The following FMN1 variants were observed in gnomAD, a reference collection of about 807,000 sequenced individuals.
FMN1 encodes formin 1.
In FMN1, 110 loss-of-function variants were observed where a neutral mutation model predicts 132.4. The observed-to-expected ratio is 0.83, with a 90% CI of 0.71 to 0.97. The LOEUF is 0.97. Ranked by LOEUF, FMN1 falls within the 50% of genes least tolerant of loss-of-function variation. The probability of loss-of-function intolerance (pLI) is 0.00; values close to 1 mark genes in which losing one functional copy is unlikely to be tolerated. For missense variants in FMN1, 1,792 were observed against 1,705.3 expected (o/e 1.05, Z -0.90); for synonymous variants, 722 against 651.7 (o/e 1.11, Z -1.64).
At chr15:32,843,113 G>A (rs562979530) in intron 17 of FMN1, among the ~76,000 whole-genome samples, 1 of 143,426 alleles carries the variant, frequency 7.0e-6, no homozygotes, top group East Asian at 2.1e-4. Context: ...GGCAACAAGA[G>A]CGAAACTCTG....
At chr15:33,067,650 C>A in intron 5 of FMN1, 1 of 1,614,040 alleles carries the variant, frequency 6.2e-7, no homozygotes, top group African/African-American at 1.3e-5. Flanking sequence ...TCCTGTGGAT[C>A]CAAGCCATTG....
chr15:32,889,551 G>A (rs898479420), intron 15 of FMN1, among the ~76,000 whole-genome samples: 2 of 152,088 alleles, frequency 1.3e-5, no homozygotes, highest in Non-Finnish European at 2.9e-5. Context: ...AGACCTTCAT[G>A]AAATAACAGA....
intron 17 of FMN1, among the ~76,000 whole-genome samples, chr15:32,846,087 T>G (rs1258786): frequency 6.6e-6 from 1 of 152,216 alleles, no homozygotes; most frequent in South Asian, 2.1e-4. Flanking sequence ...TACATTCAGA[T>G]CACTTAAAAA....
intron 19 of FMN1, among the ~76,000 whole-genome samples, chr15:32,796,711 T>C (rs1405175490): frequency 1.3e-5 from 2 of 152,234 alleles, no homozygotes; most frequent in East Asian, 1.9e-4. Context: ...GAGAACACTT[T>C]AACAAAGTTC....
intron 7 of FMN1, among the ~76,000 whole-genome samples, chr15:33,004,426 G>A (rs962156865): frequency 2.6e-5 from 4 of 152,186 alleles, no homozygotes; most frequent in Non-Finnish European, 5.9e-5. Context: ...GCAGCCAACA[G>A]ACACATGAAA....
chr15:33,089,745 A>G (rs2038837306), intron 4 of FMN1, among the ~76,000 whole-genome samples: 1 of 152,246 alleles, frequency 6.6e-6, no homozygotes, highest in South Asian at 2.1e-4. Flanking sequence ...CTAGGACTTG[A>G]ACCCAGGCAG....
chr15:32,925,296 A>C (rs347950), intron 10 of FMN1, among the ~76,000 whole-genome samples: 152,085 of 152,320 alleles, frequency 1, 75,925 homozygotes, highest in East Asian at 1. Context: ...AGGCAAAGAT[A>C]ATAAGTGCTC....
At chr15:33,125,522 G>T (rs747215259) in intron 4 of FMN1, among the ~76,000 whole-genome samples, 13 of 151,940 alleles carry the variant, frequency 8.6e-5, no homozygotes, top group Non-Finnish European at 1.8e-4. Flanking sequence ...TCTCAAATTT[G>T]GATATCTAAA....
chr15:32,950,030 T>C (rs373242543), intron 9 of FMN1, among the ~76,000 whole-genome samples: 60 of 4,148 alleles, frequency 0.014, 2 homozygotes, highest in South Asian at 0.032. Context: ...TATATATATA[T>C]ATACACATAT....
At chr15:33,093,458 G>A (rs1419825250) in intron 4 of FMN1, among the ~76,000 whole-genome samples, 1 of 152,188 alleles carries the variant, frequency 6.6e-6, no homozygotes, top group East Asian at 1.9e-4. Flanking sequence ...GGCTGTGTGT[G>A]TAATCACTCA....
At chr15:32,874,290 G>A (rs995710515) in intron 16 of FMN1, among the ~76,000 whole-genome samples, 2 of 151,888 alleles carry the variant, frequency 1.3e-5, no homozygotes, top group Non-Finnish European at 2.9e-5. Flanking sequence ...CAAAGTGCTG[G>A]GATTACAGGT....
rs182743541 is a variant in FMN1 at position 33,032,564 on chromosome 15, G to A, written c.2162-24489C>T. On this transcript the variant is annotated intron_variant, in intron 6 of 20. Coordinates refer to ENST00000616417, the MANE Select transcript of FMN1 (RefSeq NM_001277313.2). Reference sequence around the variant, plus strand: ...TATGTCCTGATAAACTGATTGTAAAGTCAAAAAATCATTAAGTCAAACCAT... The same window carrying A: ...TATGTCCTGATAAACTGATTGTAAAATCAAAAAATCATTAAGTCAAACCAT... Among the ~76,000 whole-genome samples, 516 of 152,276 alleles carry A rather than the reference G, an allele frequency of 3.4e-3. 2 individuals are homozygous for A. The highest frequency in any genetic ancestry group is 9.4e-3 in the Admixed American group (143 of 15,284).
At chr15:32,960,982 T>C (rs1055988575) in intron 9 of FMN1, among the ~76,000 whole-genome samples, 6 of 95,614 alleles carry the variant, frequency 6.3e-5, no homozygotes, top group African/African-American at 8.5e-5. Flanking sequence ...ATGACAAGAG[T>C]GAGACTCCGT....
At position 33,154,026 on chromosome 15, in the gene FMN1, C is replaced by T. The variant is rs954480351; in HGVS notation, c.889G>A (p.Glu297Lys). 3.3e-5 allele frequency: 50 copies of T among 1,536,364 alleles called. No homozygotes were observed. Among genetic ancestry groups the T allele is most frequent in the Middle Eastern group, 3.3e-4 (2 of 5,992 alleles). Residue 297 changes from glutamate (E) to lysine (K), a missense_variant, in exon 4 of 21, where the codon GAA becomes AAA. Physicochemically the swap from Glu to Lys is moderately conservative, Grantham distance 56. Transcript: ENST00000616417. ...TGCTTCTCAGGGTCCTGGTGACTTT[C>T]AGACAAACCTGTTTGCTGATGCTCC... ...GLEHQQTGLSESHQDPEKHPE... is the reference protein window; with the variant it reads ...GLEHQQTGLSKSHQDPEKHPE...
intron 19 of FMN1, among the ~76,000 whole-genome samples, chr15:32,785,218 A>ATATTTTTTT (rs1444523400): frequency 1.0e-4 from 4 of 39,208 alleles, no homozygotes; most frequent in African/African-American, 3.6e-4. Context: ...ATATATATAT[A>ATATTTTTTT]TTTTTTTTTT....
chr15:33,137,455 A>C (rs181709042), intron 4 of FMN1, among the ~76,000 whole-genome samples: 11 of 152,344 alleles, frequency 7.2e-5, no homozygotes, highest in Non-Finnish European at 1.5e-4. Flanking sequence ...AGGAAAAAGG[A>C]AATCTGTATG....
chr15:32,886,966 T>C (rs762311338), intron 16 of FMN1, among the ~76,000 whole-genome samples: 1 of 152,224 alleles, frequency 6.6e-6, no homozygotes, highest in Non-Finnish European at 1.5e-5. Context: ...AAGCATCCAT[T>C]TGTTTGAATT....
chr15:33,109,959 C>T (rs1403819535), intron 4 of FMN1, among the ~76,000 whole-genome samples: 1 of 151,954 alleles, frequency 6.6e-6, no homozygotes, highest in Non-Finnish European at 1.5e-5. Flanking sequence ...CAGCACTTCA[C>T]CTAGCAACTG....
chr15:33,016,840 A>G (rs1428423418), intron 6 of FMN1, among the ~76,000 whole-genome samples: 1 of 152,156 alleles, frequency 6.6e-6, no homozygotes, highest in East Asian at 1.9e-4. Flanking sequence ...AACCACACAG[A>G]CCACTGCCCG....
Sources: gnomAD v4.1 joint callset for allele counts (sites outside exome capture counted in the v4.1 genomes callset) on GRCh38, gnomAD v4.1.1 for gene constraint, MANE v1.5 for transcripts, NCBI Gene and HGNC (gene_info 2026-07-23, HGNC 2026-07-21) for gene names.